Variants in CTDSPL2 observed in about 807,000 individuals in gnomAD.
CTDSPL2 encodes the protein CTD small phosphatase-like protein 2.
In CTDSPL2, 5 loss-of-function variants were observed where a neutral mutation model predicts 60.0. The ratio of observed to expected loss-of-function variants is 0.08; its 90% CI spans 0.04 to 0.18. The LOEUF is 0.18. CTDSPL2 is among the 10% of genes least tolerant of loss of function. The probability of loss-of-function intolerance (pLI) is 1.00; values close to 1 mark genes in which losing one functional copy is unlikely to be tolerated. For missense variants in CTDSPL2, 370 were observed against 548.8 expected (o/e 0.67, Z 3.26); for synonymous variants, 186 against 189.3 (o/e 0.98, Z 0.14).
chr15:44,483,691 T>TA (rs2081070224), intron 2 of CTDSPL2, among the ~76,000 whole-genome samples: 1 of 152,158 alleles, frequency 6.6e-6, no homozygotes, highest in East Asian at 1.9e-4. Context: ...AGGTAGCAAA[T>TA]AGAGAGCTTT....
chr15:44,519,772 T>A (rs2081728098), intron 11 of CTDSPL2: 1 of 153,142 alleles, frequency 6.5e-6, no homozygotes, highest in Non-Finnish European at 1.5e-5. Flanking sequence ...TTGTTTTTTT[T>A]TGTTTTTGTT....
chr15:44,496,072 A>G (rs944373403), intron 5 of CTDSPL2, among the ~76,000 whole-genome samples: 37 of 152,382 alleles, frequency 2.4e-4, no homozygotes, highest in African/African-American at 8.4e-4. Context: ...TGTAAACACC[A>G]TACAATTAGA....
chr15:44,477,505 A>G (rs1259468419), intron 2 of CTDSPL2, among the ~76,000 whole-genome samples: 1 of 151,752 alleles, frequency 6.6e-6, no homozygotes, highest in Non-Finnish European at 1.5e-5. Flanking sequence ...ATTGCACTCC[A>G]GCCTTGGTGA....
chr15:44,499,954 T>C (rs1178958556), intron 8 of CTDSPL2, 141 bp downstream of exon 8: 1 of 551,614 alleles, frequency 1.8e-6, no homozygotes, highest in Non-Finnish European at 3.3e-6. Flanking sequence ...ATTTTAATGA[T>C]TTATTAACAA....
intron 8 of CTDSPL2, among the ~76,000 whole-genome samples, chr15:44,511,482 G>A (rs1168920017): frequency 6.6e-6 from 1 of 152,176 alleles, no homozygotes; most frequent in Admixed American, 6.5e-5. Flanking sequence ...GTCGTGTTCA[G>A]AGGCAATAAA....
intron 1 of CTDSPL2, among the ~76,000 whole-genome samples, chr15:44,446,830 A>G (rs988863971): frequency 7.1e-6 from 1 of 140,786 alleles, no homozygotes; most frequent in Non-Finnish European, 1.5e-5. Context: ...ATCTCAGCTC[A>G]CTGCAACCTC....
At chr15:44,509,701 C>G (rs569687544) in intron 8 of CTDSPL2, among the ~76,000 whole-genome samples, 30 of 151,896 alleles carry the variant, frequency 2.0e-4, no homozygotes, top group Non-Finnish European at 7.4e-5. Context: ...AATCCCAGGA[C>G]TTTGGGAGGC....
chr15:44,479,165 T>C (rs571681801), intron 2 of CTDSPL2, among the ~76,000 whole-genome samples: 126 of 151,946 alleles, frequency 8.3e-4, no homozygotes, highest in African/African-American at 2.9e-3. Context: ...AGCAGGAGGA[T>C]TGCTTGAACC....
chr15:44,476,918 G>A (rs2080928192), intron 2 of CTDSPL2, among the ~76,000 whole-genome samples: 1 of 152,168 alleles, frequency 6.6e-6, no homozygotes, highest in Non-Finnish European at 1.5e-5. Flanking sequence ...ATTAGTAAGA[G>A]CACAGTAGAA....
intron 2 of CTDSPL2, among the ~76,000 whole-genome samples, chr15:44,480,940 G>T (rs1179776940): frequency 6.6e-6 from 1 of 152,134 alleles, no homozygotes; most frequent in Non-Finnish European, 1.5e-5. Context: ...TTCCTAGTTC[G>T]TCTTCCTCTT....
At chr15:44,460,919 T>G (rs1595719824) in intron 2 of CTDSPL2, among the ~76,000 whole-genome samples, 2 of 152,328 alleles carry the variant, frequency 1.3e-5, no homozygotes, top group East Asian at 1.9e-4. Context: ...TTGCTACGTA[T>G]TATTACTTCA....
rs568367148 is a variant in CTDSPL2 at position 44,446,724 on chromosome 15, AAG to A, written c.-24-12263_-24-12262del. On this transcript the variant is annotated intron_variant, in intron 1 of 12. Transcript: ENST00000260327. ...AACAGGCAAAAAAAAAAAAGAGAGA[AAG>A]AGAAAGGGAAATTGGAATCTTGGGG... 1.8e-4 allele frequency among the ~76,000 whole-genome samples: 27 copies of A among 149,614 alleles called. No homozygotes were observed. The East Asian group carries it at 5.3e-3, about 29-fold the overall frequency.
At chr15:44,435,756 A>C (rs2079967646) in intron 1 of CTDSPL2, among the ~76,000 whole-genome samples, 1 of 151,532 alleles carries the variant, frequency 6.6e-6, no homozygotes, top group Non-Finnish European at 1.5e-5. Context: ...ACAGGTGTGC[A>C]CCACCACGCC....
rs571784457 is a variant in CTDSPL2, at chr15:44,486,465, A to C, written c.326-86A>C. On this transcript the variant is annotated intron_variant, in intron 3 of 12. Coordinates refer to ENST00000260327, the MANE Select transcript of CTDSPL2 (RefSeq NM_016396.3). ...TCGTGAAGTATTTTGAGGGAAAAAG[A>C]GTTACTTCTATAATGAATGATTTAT... The C allele has an allele frequency of 2.5e-5, 23 of 915,740 alleles. No individual in the cohort carries two copies. In the African/African-American group the frequency reaches 3.3e-4, roughly 13 times the overall value. 56.7% of individuals were successfully genotyped at this position (915,740 alleles called of 1,614,324 possible).
At position 44,490,967 on chromosome 15, in the gene CTDSPL2, A is replaced by G. The variant is rs367955013; in HGVS notation, c.659A>G (p.Glu220Gly). 13 of 1,614,046 alleles carry G rather than the reference A, an allele frequency of 8.1e-6. No homozygotes were observed. In the African/African-American group the frequency reaches 1.1e-4, roughly 13 times the overall value. The change falls in exon 5 of 13, where the codon GAA becomes GGA. Residue 220 changes from glutamate to glycine, a missense_variant. Physicochemically the swap from Glu to Gly is moderately conservative, Grantham distance 98. This residue lies in a region of CTDSPL2 where 287 missense variants were observed against 296.1 expected (regional missense o/e 0.97). Coordinates refer to ENST00000260327, the MANE Select transcript of CTDSPL2 (RefSeq NM_016396.3). ...AACAATGGTTTAGAAGAAGCAGAAG[A>G]AACAGTTAATCGTGATATCCCACCC... is the stretch of plus-strand genomic sequence containing the variant. ...SLNNGLEEAE[E>G]TVNRDIPPLT... is the part of the protein sequence containing the mutation.
intron 1 of CTDSPL2, chr15:44,448,731 A>T: frequency 2.9e-6 from 1 of 342,852 alleles, no homozygotes; most frequent in South Asian, 2.8e-5. Context: ...GGTGATTGGC[A>T]TCGATAGTCT....
intron 1 of CTDSPL2, among the ~76,000 whole-genome samples, chr15:44,441,078 T>C (rs1234690280): frequency 6.6e-6 from 1 of 152,198 alleles, no homozygotes; most frequent in Non-Finnish European, 1.5e-5. Context: ...TAGGCCAGAC[T>C]GCAATTTTTA....
At chr15:44,434,773 C>T (rs934570892) in intron 1 of CTDSPL2, among the ~76,000 whole-genome samples, 1 of 152,090 alleles carries the variant, frequency 6.6e-6, no homozygotes, top group Non-Finnish European at 1.5e-5. Context: ...TTTTATCAGC[C>T]TAACTCAGTT....
chr15:44,489,830 C>T (rs1215058919), intron 4 of CTDSPL2, among the ~76,000 whole-genome samples: 2 of 152,116 alleles, frequency 1.3e-5, no homozygotes, highest in African/African-American at 2.4e-5. Context: ...AATTATATAG[C>T]CATGTGACAT....
Sources: allele counts gnomAD v4.1 joint callset (sites outside exome capture counted in the v4.1 genomes callset), GRCh38; gene constraint gnomAD v4.1.1; regional missense constraint gnomAD v4.1.1; transcripts MANE v1.5; gene names NCBI Gene and HGNC (gene_info 2026-07-23, HGNC 2026-07-21).